The following LCORL variants were observed in gnomAD, a reference collection of about 807,000 sequenced individuals.
LCORL encodes ligand-dependent nuclear receptor corepressor-like protein.
LCORL carries 41 observed loss-of-function variants against 141.8 expected under a neutral mutation model. The ratio of observed to expected loss-of-function variants is 0.29; its 90% CI spans 0.23 to 0.38. The LOEUF (loss-of-function observed/expected upper bound fraction) is 0.38. Among genes scored for constraint, LCORL ranks in the 10% least tolerant of loss-of-function variants. LCORL has a pLI of 1.00. For missense variants in LCORL, 1,759 were observed against 2,035.0 expected, an observed-to-expected ratio of 0.86 and a Z score of 2.61; for synonymous variants, 618 against 694.1, an observed-to-expected ratio of 0.89 and a Z score of 1.72.
At position 18,021,412 on chromosome 4, in the gene LCORL, G is replaced by C. The variant is rs1337596423; in HGVS notation, c.154+186C>G. Among the ~76,000 whole-genome samples, 1 of 152,108 alleles carries C rather than the reference G, an allele frequency of 6.6e-6. No homozygotes were observed. The highest frequency in any genetic ancestry group is 2.4e-5 in the African/African-American group (1 of 41,458). Reference sequence around the variant, plus strand: ...GGGAAGGCGAAGGAGCGCGGACCGCGCCGGGCCAGCAGCCCGCAAGACAAA... The same window carrying C: ...GGGAAGGCGAAGGAGCGCGGACCGCCCCGGGCCAGCAGCCCGCAAGACAAA... On this transcript the variant is annotated intron_variant, in intron 1 of 7. Transcript: ENST00000635767. This position sits in a 1 kb window ranked among gnomAD's most constrained non-coding sequence, Gnocchi z 5.5.
chr4:17,915,035 T>C (rs1045775446), intron 4 of LCORL, among the ~76,000 whole-genome samples: 3 of 152,182 alleles, frequency 2.0e-5, no homozygotes, highest in Non-Finnish European at 4.4e-5. Context: ...CTGATGAACA[T>C]TGATGCTCCT....
chr4:17,848,030 C>G (rs1239525353), intron 7 of LCORL, among the ~76,000 whole-genome samples: 1 of 152,142 alleles, frequency 6.6e-6, no homozygotes, highest in Non-Finnish European at 1.5e-5. Flanking sequence ...GAGAAGAATA[C>G]TTTAATAAAC....
chr4:17,948,432 C>T (rs994964774), intron 4 of LCORL, among the ~76,000 whole-genome samples: 1 of 151,978 alleles, frequency 6.6e-6, no homozygotes, highest in Non-Finnish European at 1.5e-5. Flanking sequence ...TGTCTATCCT[C>T]AAAGATTTCA....
At chr4:17,934,462 G>T (rs960090100) in intron 4 of LCORL, among the ~76,000 whole-genome samples, 1 of 151,978 alleles carries the variant, frequency 6.6e-6, no homozygotes, top group African/African-American at 2.4e-5. Context: ...CCTTTAAAAA[G>T]CATTCAGTAG....
intron 4 of LCORL, among the ~76,000 whole-genome samples, chr4:17,956,284 C>A (rs933207147): frequency 1.1e-4 from 16 of 152,046 alleles, no homozygotes; most frequent in African/African-American, 3.6e-4. Context: ...AACTACCATA[C>A]AATCTAGCAA....
At chr4:18,000,151 A>G (rs746102237) in intron 1 of LCORL, among the ~76,000 whole-genome samples, 2 of 150,352 alleles carry the variant, frequency 1.3e-5, no homozygotes, top group Non-Finnish European at 3.0e-5. Context: ...TTGCACTGAA[A>G]GAGTGAATGT....
chr4:17,986,112 T>C (rs749105082), intron 1 of LCORL, among the ~76,000 whole-genome samples: 1 of 152,174 alleles, frequency 6.6e-6, no homozygotes, highest in Non-Finnish European at 1.5e-5. Flanking sequence ...GCTTGTAGGG[T>C]TTCTGCTGAG....
intron 7 of LCORL, among the ~76,000 whole-genome samples, chr4:17,870,374 C>T (rs1342685598): frequency 1.3e-5 from 2 of 152,164 alleles, no homozygotes; most frequent in Non-Finnish European, 2.9e-5. Flanking sequence ...CCTGAAAACA[C>T]TCCTCTTCCA....
intron 1 of LCORL, among the ~76,000 whole-genome samples, chr4:17,999,402 C>T (rs1721550241): frequency 6.6e-6 from 1 of 150,818 alleles, no homozygotes; most frequent in African/African-American, 2.4e-5. Context: ...TGCAGTGAGC[C>T]GAGACTGCGC....
In LCORL at chr4:17,947,314, T is replaced by TA. The variant is rs537356264; in HGVS notation, c.430+14588dup. On this transcript the variant is annotated intron_variant, in intron 4 of 7. Transcript: ENST00000635767. ...AAGATAAATATTGCATGTCTTCACT[T>TA]ATATGTGAAATCCAGGAGAATCAAA... Among the ~76,000 whole-genome samples, 25 of 152,028 alleles carry TA rather than the reference T, an allele frequency of 1.6e-4. No individual in the cohort carries two copies. The South Asian group carries it at 3.5e-3, about 21-fold the overall frequency.
chr4:17,985,779 T>C (rs1283782989), intron 1 of LCORL, among the ~76,000 whole-genome samples: 2 of 152,196 alleles, frequency 1.3e-5, no homozygotes, highest in African/African-American at 4.8e-5. Flanking sequence ...TTAGTATTGA[T>C]ATGTGTGGAT....
At chr4:17,872,119 C>A (rs769735742) in intron 7 of LCORL, among the ~76,000 whole-genome samples, 2 of 151,764 alleles carry the variant, frequency 1.3e-5, no homozygotes, top group Non-Finnish European at 2.9e-5. Context: ...AAAAACACCC[C>A]TAAAATATAT....
chr4:17,861,584 G>A (rs573839272), intron 7 of LCORL, among the ~76,000 whole-genome samples: 21 of 152,148 alleles, frequency 1.4e-4, no homozygotes, highest in Non-Finnish European at 2.9e-5. Context: ...ATTAACGTGT[G>A]GCTCCTCATT....
At chr4:17,845,661 C>A in exon 8 of LCORL, 1 of 1,213,892 alleles carries the variant, frequency 8.2e-7, no homozygotes, top group Non-Finnish European at 1.1e-6. Flanking sequence ...TTGATAAATG[C>A]TTATTGTTCA....
chr4:17,877,429 T>C, exon 7 of LCORL: 1 of 1,229,886 alleles, frequency 8.1e-7, no homozygotes. Context: ...GTTTCACCTT[T>C]TTCATGATTT....
At chr4:17,874,629 C>T (rs918346055) in exon 7 of LCORL, 3 of 1,233,598 alleles carry the variant, frequency 2.4e-6, no homozygotes, top group Admixed American at 4.2e-5. Context: ...TTCATCTCCA[C>T]TTACTTGCAC....
intron 1 of LCORL, among the ~76,000 whole-genome samples, chr4:18,012,931 T>A (rs1724037816): frequency 6.6e-6 from 1 of 152,260 alleles, no homozygotes; most frequent in African/African-American, 2.4e-5. Context: ...GCTGTATTTA[T>A]CAGTTCTTCC....
At chr4:17,873,788 G>C (rs1461926439) in exon 7 of LCORL, 34 of 1,233,900 alleles carry the variant, frequency 2.8e-5, no homozygotes, top group Non-Finnish European at 1.0e-5. Flanking sequence ...CAAGACAGTT[G>C]AGCTTCCTCA....
intron 1 of LCORL, among the ~76,000 whole-genome samples, chr4:17,985,778 A>G (rs1437273555): frequency 6.6e-6 from 1 of 152,058 alleles, no homozygotes; most frequent in East Asian, 1.9e-4. Flanking sequence ...ATTAGTATTG[A>G]TATGTGTGGA....
Sources: gnomAD v4.1 joint callset for allele counts (sites outside exome capture counted in the v4.1 genomes callset) on GRCh38, gnomAD v4.1.1 for gene constraint, Gnocchi (gnomAD v3.1) non-coding constraint, MANE v1.5 for transcripts, NCBI Gene and HGNC (gene_info 2026-07-23, HGNC 2026-07-21) for gene names.